SATB1: variants seen among roughly 807,000 people sequenced by gnomAD.
SATB1 encodes the protein SATB homeobox 1.
SATB1 carries 11 observed loss-of-function variants against 86.9 expected under a neutral mutation model. The observed-to-expected ratio is 0.13, with a 90% CI of 0.08 to 0.21. SATB1 has a LOEUF of 0.21. Among genes scored for constraint, SATB1 ranks in the 10% least tolerant of loss-of-function variants. The pLI, the probability that SATB1 is intolerant of heterozygous loss-of-function variation, is 1.00. For synonymous variants in SATB1, 357 were observed against 357.2 expected (o/e 1.00, Z 0.01); for missense variants, 551 against 937.6 (o/e 0.59, Z 5.39).
At chr3:18,427,007 G>A (rs140699404), upstream of SATB1, among the ~76,000 whole-genome samples, 344 of 152,252 alleles carry the variant, frequency 2.3e-3, 3 homozygotes, top group African/African-American at 7.9e-3. Flanking sequence ...ATCTGGGAAG[G>A]CAACCGTGAA....
chr3:18,351,062 C>T (rs2125126657), intron 10 of SATB1: 4 of 481,370 alleles, frequency 8.3e-6, no homozygotes, highest in Admixed American at 3.3e-5. Flanking sequence ...GCCCTAAGAG[C>T]GCTAATGACT....
rs535635396 is a variant in SATB1 at position 18,373,538 on chromosome 3, T to C, written c.1575+4632A>G. The stretch of plus-strand genomic sequence containing the variant: ...GCAATGAAAATTACATTTTTAGCCC[T>C]ATTTCTAGCCCCAATGATTTGCGAC... On this transcript the variant is annotated intron_variant, in intron 9 of 10. Transcript: ENST00000338745. Among the ~76,000 whole-genome samples the C allele has an allele frequency of 2.0e-3, 311 of 152,340 alleles. 1 individual carries two copies. The highest frequency in any genetic ancestry group is 5.2e-3 in the African/African-American group (216 of 41,576).
chr3:18,436,691 A>G (rs559750175), intron 2 of SATB1: 35 of 152,320 alleles, frequency 2.3e-4, no homozygotes, highest in Admixed American at 2.0e-3. Context: ...TGAGTGCTCA[A>G]TACGTACAAG....
At chr3:18,429,706 A>C (rs1698826363), upstream of SATB1, among the ~76,000 whole-genome samples, 2 of 152,224 alleles carry the variant, frequency 1.3e-5, no homozygotes, top group Non-Finnish European at 2.9e-5. The surrounding 1 kb of genome is among the most constrained non-coding windows in gnomAD (Gnocchi z 4.1). Context: ...TTATGCAAGA[A>C]GTTCTGGCCC....
chr3:18,351,465 G>C, intron 10 of SATB1: 1 of 1,331,240 alleles, frequency 7.5e-7, no homozygotes. Context: ...GTAAAGTGTG[G>C]GGAGACAGCT....
chr3:18,364,988 G>T (rs528563277), intron 9 of SATB1, among the ~76,000 whole-genome samples: 2 of 152,084 alleles, frequency 1.3e-5, no homozygotes, highest in African/African-American at 4.8e-5. Context: ...CGTTGTGTAT[G>T]TGTAGGGTTA....
chr3:18,445,288 A>G, intron 1 of SATB1: 1 of 982,130 alleles, frequency 1.0e-6, no homozygotes, highest in Non-Finnish European at 1.2e-6. Flanking sequence ...GCCGAGCCCG[A>G]GCCGCCGCCG....
At chr3:18,376,131 G>A (rs1399307885) in intron 9 of SATB1, among the ~76,000 whole-genome samples, 2 of 152,060 alleles carry the variant, frequency 1.3e-5, no homozygotes, top group Non-Finnish European at 2.9e-5. Context: ...GACATTATTA[G>A]CCAGTTGCTG....
chr3:18,397,101 C>T (rs1432562881), intron 6 of SATB1, 78 bp downstream of exon 6: 2 of 832,098 alleles, frequency 2.4e-6, no homozygotes, highest in Non-Finnish European at 4.2e-6. Context: ...AAAGACCTGG[C>T]TTTAGATGTG....
rs1348629059 is a variant in SATB1 at position 18,352,067 on chromosome 3, T to C, written c.1704A>G (p.Glu568=). The C allele has an allele frequency of 6.2e-7, 1 of 1,614,106 alleles. No homozygotes were observed. Among genetic ancestry groups the C allele is most frequent in the Admixed American group, 1.7e-5 (1 of 60,008 alleles). ...GGTGATGCACCGCGTTGCTCTCCTGTTCATAAATGGCATCACGTTCTGGCT... is the reference window on the plus strand; with the variant it reads ...GGTGATGCACCGCGTTGCTCTCCTGCTCATAAATGGCATCACGTTCTGGCT... ...LPQPERDAIY[E]QESNAVHHHG... The change falls in exon 10 of 11, where the codon GAA becomes GAG. Residue 568 remains glutamate, a synonymous_variant. Coordinates refer to ENST00000338745, the MANE Select transcript of SATB1 (RefSeq NM_002971.6). The surrounding 1 kb of genome is among the most constrained non-coding windows in gnomAD (Gnocchi z 4.1).
intron 9 of SATB1, among the ~76,000 whole-genome samples, chr3:18,365,411 T>A (rs898218575): frequency 2.0e-5 from 3 of 147,900 alleles, no homozygotes; most frequent in Non-Finnish European, 3.0e-5. Context: ...AGAGGCAGGA[T>A]ACAGAATGGA....
intron 1 of SATB1, among the ~76,000 whole-genome samples, chr3:18,421,852 A>T (rs1164656284): frequency 6.6e-6 from 1 of 151,874 alleles, no homozygotes; most frequent in Non-Finnish European, 1.5e-5. Flanking sequence ...TTAAAAAAAA[A>T]AAAAACACAA....
At chr3:18,437,632 T>C (rs559857759) in intron 1 of SATB1, among the ~76,000 whole-genome samples, 2 of 152,254 alleles carry the variant, frequency 1.3e-5, no homozygotes, top group South Asian at 2.1e-4. Context: ...TTTAAGATAA[T>C]GTTCTAAATT....
At chr3:18,383,723 T>C (rs1559419246) in intron 8 of SATB1, among the ~76,000 whole-genome samples, 2 of 152,210 alleles carry the variant, frequency 1.3e-5, no homozygotes, top group Non-Finnish European at 2.9e-5. Flanking sequence ...AGTTTAAGCA[T>C]CATTTCATTA....
intron 9 of SATB1, among the ~76,000 whole-genome samples, chr3:18,365,454 T>C (rs1481784349): frequency 6.6e-6 from 1 of 150,678 alleles, no homozygotes; most frequent in Non-Finnish European, 1.5e-5. Context: ...TGCGGGTGGG[T>C]AGGGTCGGGG....
upstream of SATB1, among the ~76,000 whole-genome samples, chr3:18,441,697 A>T (rs1249857969): frequency 6.6e-6 from 1 of 152,126 alleles, no homozygotes; most frequent in Admixed American, 6.5e-5. Context: ...AGTGTTTGTA[A>T]CCAAAATATT....
rs1697363044 is a variant in SATB1 at position 18,403,334 on chromosome 3, AAACAGAG to A, written c.640-6051_640-6045del. Among the ~76,000 whole-genome samples, 4 of 152,166 alleles carry A rather than the reference AAACAGAG, an allele frequency of 2.6e-5. No individual in the cohort carries two copies. The South Asian group carries it at 8.3e-4, about 32-fold the overall frequency. On this transcript the variant is annotated intron_variant, in intron 5 of 10. Coordinates refer to ENST00000338745, the MANE Select transcript of SATB1 (RefSeq NM_002971.6). ...TCTACAAGTTAAAAACATTTTTTTC[AAACAGAG>A]ATCTCATGAATACCCAAAAACATGC...
At chr3:18,416,175 T>C (rs746147106) in intron 3 of SATB1, 42 bp from the exon 4 acceptor site, 34 of 1,514,996 alleles carry the variant, frequency 2.2e-5, no homozygotes, top group Non-Finnish European at 2.7e-5. Flanking sequence ...TATTTTACCC[T>C]CAGATAATAT....
At chr3:18,377,645 A>G (rs933714185) in intron 9 of SATB1, among the ~76,000 whole-genome samples, 1 of 152,084 alleles carries the variant, frequency 6.6e-6, no homozygotes, top group African/African-American at 2.4e-5. Context: ...TTAATATGCA[A>G]AGCTATGTGT....
Sources: gnomAD v4.1 joint callset for allele counts (sites outside exome capture counted in the v4.1 genomes callset) on GRCh38, gnomAD v4.1.1 for gene constraint, Gnocchi (gnomAD v3.1) non-coding constraint, MANE v1.5 for transcripts, NCBI Gene and HGNC (gene_info 2026-07-23, HGNC 2026-07-21) for gene names.